Variants in SGCZ observed in about 807,000 individuals in gnomAD.
SGCZ encodes sarcoglycan zeta.
SGCZ carries 40 observed loss-of-function variants against 41.3 expected under a neutral mutation model. That is an observed-to-expected ratio of 0.97 (90% CI 0.75 to 1.26). The LOEUF is 1.26. Among genes scored for constraint, SGCZ ranks in the 50% most tolerant of loss-of-function variants. The pLI, the probability that SGCZ is intolerant of heterozygous loss-of-function variation, is 0.00. For missense variants in SGCZ, 552 were observed against 369.8 expected (o/e 1.49, Z -4.04); for synonymous variants, 206 against 137.5 (o/e 1.50, Z -3.49).
intron 4 of SGCZ, among the ~76,000 whole-genome samples, chr8:14,176,564 A>C (rs1003022163): frequency 3.3e-5 from 5 of 152,228 alleles, no homozygotes; most frequent in African/African-American, 1.2e-4. Context: ...ATAGTCCAAC[A>C]TTTAAGTTGA....
At chr8:15,065,583 T>G (rs563063146) in intron 1 of SGCZ, among the ~76,000 whole-genome samples, 6 of 151,684 alleles carry the variant, frequency 4.0e-5, no homozygotes, top group Non-Finnish European at 7.4e-5. Flanking sequence ...TAGATGGGAG[T>G]ACAGGGGTGC....
intron 2 of SGCZ, among the ~76,000 whole-genome samples, chr8:14,342,872 G>A (rs185740934): frequency 0.011 from 1,708 of 152,296 alleles, 28 homozygotes; most frequent in African/African-American, 0.037. Context: ...GACCTTCACC[G>A]AAGGCCCTCT....
In SGCZ at chr8:14,862,190, C is replaced by G. The variant is rs138901316; in HGVS notation, c.40-307264G>C. 4.0e-3 allele frequency among the ~76,000 whole-genome samples: 610 copies of G among 152,014 alleles called. 3 individuals carry two copies. The highest frequency in any genetic ancestry group is 0.018 in the South Asian group (88 of 4,806). Reference sequence around the variant, plus strand: ...GGTGTTGATATAGGCCACCAGAAGACCGTAGAAGGGCTTTCCTATTATTCA... The same window carrying G: ...GGTGTTGATATAGGCCACCAGAAGAGCGTAGAAGGGCTTTCCTATTATTCA... On this transcript the variant is annotated intron_variant, in intron 1 of 7. Coordinates refer to ENST00000382080, the MANE Select transcript of SGCZ (RefSeq NM_139167.4).
intron 2 of SGCZ, among the ~76,000 whole-genome samples, chr8:14,424,204 A>G (rs535874479): frequency 7.6e-4 from 116 of 152,302 alleles, no homozygotes; most frequent in South Asian, 2.3e-3. Flanking sequence ...AGGGCGGGAT[A>G]AAAACCATAG....
chr8:14,115,182 A>C (rs1701730703), intron 5 of SGCZ, among the ~76,000 whole-genome samples: 1 of 151,992 alleles, frequency 6.6e-6, no homozygotes, highest in Non-Finnish European at 1.5e-5. Context: ...TTTGCCCTTT[A>C]CTTAAATAAA....
At chr8:14,209,902 ATTAG>A (rs1420156546) in intron 4 of SGCZ, among the ~76,000 whole-genome samples, 1 of 152,084 alleles carries the variant, frequency 6.6e-6, no homozygotes, top group Non-Finnish European at 1.5e-5. Flanking sequence ...TATCTTATGA[ATTAG>A]TTAAAATAAT....
At chr8:14,982,463 A>G (rs1317172278) in intron 1 of SGCZ, among the ~76,000 whole-genome samples, 1 of 152,216 alleles carries the variant, frequency 6.6e-6, no homozygotes, top group Non-Finnish European at 1.5e-5. Context: ...GTGTAATTGT[A>G]TCAATGGGCT....
intron 5 of SGCZ, among the ~76,000 whole-genome samples, chr8:14,138,432 A>G (rs1295769150): frequency 6.6e-6 from 1 of 152,034 alleles, no homozygotes; most frequent in Non-Finnish European, 1.5e-5. Context: ...TGCTGTATTC[A>G]GGAGATCCAT....
intron 3 of SGCZ, among the ~76,000 whole-genome samples, chr8:14,317,432 A>G (rs1801755472): frequency 6.6e-6 from 1 of 151,970 alleles, no homozygotes; most frequent in Admixed American, 6.6e-5. Context: ...ATTATTAAAA[A>G]TCATTATCTG....
intron 1 of SGCZ, among the ~76,000 whole-genome samples, chr8:14,568,233 G>C (rs569459595): frequency 4.0e-5 from 6 of 151,894 alleles, no homozygotes; most frequent in African/African-American, 1.5e-4. Context: ...GGGCCTGTCC[G>C]GGGGTGGGGA....
intron 5 of SGCZ, among the ~76,000 whole-genome samples, chr8:14,141,849 A>G (rs1334043223): frequency 1.3e-5 from 2 of 152,232 alleles, no homozygotes; most frequent in African/African-American, 4.8e-5. Flanking sequence ...ACATGTTGCT[A>G]TAAAGACACA....
intron 1 of SGCZ, among the ~76,000 whole-genome samples, chr8:15,085,175 T>G (rs910449428): frequency 1.3e-5 from 2 of 152,160 alleles, no homozygotes; most frequent in Non-Finnish European, 2.9e-5. Flanking sequence ...GCAGCTAATA[T>G]TTGACCCAGG....
chr8:14,538,956 C>T (rs1187068231), intron 2 of SGCZ, among the ~76,000 whole-genome samples: 2 of 151,928 alleles, frequency 1.3e-5, no homozygotes, highest in Admixed American at 6.6e-5. Context: ...GTCAGCTTGG[C>T]TGGGCCAAAG....
intron 5 of SGCZ, among the ~76,000 whole-genome samples, chr8:14,152,434 T>C (rs545626719): frequency 1.7e-3 from 258 of 152,284 alleles, no homozygotes; most frequent in African/African-American, 5.9e-3. Context: ...GTGGATGAGC[T>C]GGGAGGATCG....
At chr8:14,330,233 T>C (rs542032995) in intron 2 of SGCZ, among the ~76,000 whole-genome samples, 1 of 152,256 alleles carries the variant, frequency 6.6e-6, no homozygotes, top group East Asian at 1.9e-4. Flanking sequence ...TTCATGTTCA[T>C]TTCTTCATCT....
At chr8:15,210,908 T>G (rs1801214653) in intron 1 of SGCZ, among the ~76,000 whole-genome samples, 1 of 152,026 alleles carries the variant, frequency 6.6e-6, no homozygotes, top group African/African-American at 2.4e-5. Flanking sequence ...TTTCAATATC[T>G]TTGCCTCCTT....
At chr8:14,294,057 G>C (rs974887137) in intron 3 of SGCZ, among the ~76,000 whole-genome samples, 53 of 151,500 alleles carry the variant, frequency 3.5e-4, no homozygotes, top group African/African-American at 1.0e-3. Flanking sequence ...CAACAATATT[G>C]ACATTTTTCT....
intron 1 of SGCZ, among the ~76,000 whole-genome samples, chr8:14,770,721 T>C (rs997062511): frequency 1.3e-5 from 2 of 152,060 alleles, no homozygotes. Flanking sequence ...AAATGAAGAA[T>C]AAGACATAGT....
intron 1 of SGCZ, among the ~76,000 whole-genome samples, chr8:14,678,519 C>G (rs1808344347): frequency 6.6e-6 from 1 of 152,096 alleles, no homozygotes; most frequent in African/African-American, 2.4e-5. Context: ...TTGCCAAAAC[C>G]ATAATATTGA....
Sources: allele counts gnomAD v4.1 joint callset (sites outside exome capture counted in the v4.1 genomes callset), GRCh38; gene constraint gnomAD v4.1.1; transcripts MANE v1.5; gene names NCBI Gene and HGNC (gene_info 2026-07-23, HGNC 2026-07-21).